Variants in USH2A observed in about 807,000 individuals in gnomAD.
The protein encoded by USH2A is Usher syndrome 2A (autosomal recessive, mild).
USH2A carries 443 observed loss-of-function variants against 538.9 expected under a neutral mutation model. The ratio of observed to expected loss-of-function variants is 0.82; its 90% CI spans 0.76 to 0.89. The LOEUF is 0.89. Among genes scored for constraint, USH2A ranks in the 40% least tolerant of loss-of-function variants. The pLI, the probability that USH2A is intolerant of heterozygous loss-of-function variation, is 0.00. For missense variants in USH2A, 6,633 were observed against 6,324.8 expected, an observed-to-expected ratio of 1.05 and a Z score of -1.65; for synonymous variants, 2,413 against 2,273.5, an observed-to-expected ratio of 1.06 and a Z score of -1.75.
chr1:216,161,359 G>A (rs1461030692), intron 21 of USH2A, among the ~76,000 whole-genome samples: 3 of 151,692 alleles, frequency 2.0e-5, no homozygotes, highest in Non-Finnish European at 4.4e-5. Flanking sequence ...CATTCTTTTG[G>A]TTGTTACCTT....
intron 32 of USH2A, among the ~76,000 whole-genome samples, chr1:216,015,962 G>C (rs971523996): frequency 1.3e-4 from 20 of 152,174 alleles, no homozygotes; most frequent in Non-Finnish European, 2.4e-4. Context: ...ATCAATGAAA[G>C]ACTGGATTAA....
At chr1:215,984,369 C>T (rs1201433185) in intron 35 of USH2A, among the ~76,000 whole-genome samples, 1 of 152,202 alleles carries the variant, frequency 6.6e-6, no homozygotes, top group Non-Finnish European at 1.5e-5. Flanking sequence ...TTAATTTAAT[C>T]TAGTTCTAGA....
At chr1:216,244,353 A>G (rs2035993969) in intron 13 of USH2A, among the ~76,000 whole-genome samples, 1 of 152,154 alleles carries the variant, frequency 6.6e-6, no homozygotes, top group Non-Finnish European at 1.5e-5. Flanking sequence ...AAACTCATAA[A>G]GGTTTGCCCA....
chr1:215,968,927 AT>A (rs1281719074), intron 36 of USH2A, among the ~76,000 whole-genome samples: 3 of 152,168 alleles, frequency 2.0e-5, no homozygotes, highest in African/African-American at 7.2e-5. Flanking sequence ...TTTAAGATTG[AT>A]TCATAGATTT....
chr1:215,810,559 C>G (rs1414280474), intron 49 of USH2A, among the ~76,000 whole-genome samples: 2 of 152,108 alleles, frequency 1.3e-5, no homozygotes, highest in African/African-American at 4.8e-5. Flanking sequence ...AATGAAAACA[C>G]TATTACTTAG....
chr1:215,817,875 A>G (rs1363954698), intron 47 of USH2A, among the ~76,000 whole-genome samples: 1 of 151,996 alleles, frequency 6.6e-6, no homozygotes, highest in South Asian at 2.1e-4. Flanking sequence ...ACTTACATGT[A>G]GATTTTCTTC....
chr1:215,877,666 C>A, intron 43 of USH2A, 92 bp downstream of exon 43: 1 of 1,575,224 alleles, frequency 6.3e-7, no homozygotes, highest in Non-Finnish European at 8.7e-7. Flanking sequence ...TGATAACACG[C>A]TCACACAATG....
Position 216,084,761 on chromosome 1 carries a change from C to A in USH2A, c.5104G>T (p.Val1702Leu). The change falls in exon 25 of 72, where the codon GTG becomes TTG. Residue 1702 changes from valine to leucine, a missense_variant. Val to Leu is a conservative substitution (Grantham distance 32, BLOSUM62 1). Coordinates refer to ENST00000307340, the MANE Select transcript of USH2A (RefSeq NM_206933.4). ...DWQSSEEQIN[V>L]YNSWEGCPAS... ...GGACATCCCTCCCAGCTGTTATACA[C>A]GTTGATTTGTTCTTCAGAACTCTGC... is the stretch of plus-strand genomic sequence containing the variant. 2 of 1,613,496 alleles carry A rather than the reference C, an allele frequency of 1.2e-6. No individual in the cohort carries two copies. The highest frequency in any genetic ancestry group is 1.7e-6 in the Non-Finnish European group (2 of 1,179,684).
At chr1:216,223,215 C>T (rs1460147568) in intron 14 of USH2A, among the ~76,000 whole-genome samples, 3 of 152,040 alleles carry the variant, frequency 2.0e-5, no homozygotes, top group Non-Finnish European at 4.4e-5. Flanking sequence ...TGTATCTGGT[C>T]TAGTGGAAAA....
chr1:215,668,485 G>A (rs770003605), intron 64 of USH2A, among the ~76,000 whole-genome samples: 27 of 152,236 alleles, frequency 1.8e-4, no homozygotes, highest in African/African-American at 4.3e-4. Context: ...TTGTAACTAC[G>A]TGGGATTAGC....
At chr1:216,125,440 C>T (rs1422046850) in intron 21 of USH2A, among the ~76,000 whole-genome samples, 1 of 152,072 alleles carries the variant, frequency 6.6e-6, no homozygotes, top group African/African-American at 2.4e-5. Context: ...AAGATGAAAT[C>T]AGATGCATGC....
intron 13 of USH2A, among the ~76,000 whole-genome samples, chr1:216,237,330 A>G (rs2102530713): frequency 6.6e-6 from 1 of 152,156 alleles, no homozygotes; most frequent in East Asian, 1.9e-4. Flanking sequence ...TTGAAAGTGG[A>G]TGAAATAAAC....
At chr1:216,088,081 T>C (rs758693540) in intron 23 of USH2A, among the ~76,000 whole-genome samples, 1 of 152,150 alleles carries the variant, frequency 6.6e-6, no homozygotes, top group Non-Finnish European at 1.5e-5. Context: ...CTGGCCTTCT[T>C]GTTGGTCCTT....
At chr1:216,234,062 T>C (rs1284673917) in intron 13 of USH2A, among the ~76,000 whole-genome samples, 1 of 152,152 alleles carries the variant, frequency 6.6e-6, no homozygotes, top group Non-Finnish European at 1.5e-5. Context: ...GTTCATAAAA[T>C]AGCAATGATA....
In USH2A at chr1:215,781,634, T is replaced by A. The variant is rs567834589; in HGVS notation, c.10740+408A>T. Among the ~76,000 whole-genome samples, 19 of 152,302 alleles carry A rather than the reference T, an allele frequency of 1.2e-4. No homozygotes were observed. The South Asian group carries it at 2.7e-3, about 22-fold the overall frequency. ...AACAATTTTGTTTTCCGTGCCAGGCTTTTTTGCCCTTCTCTTCATTTTTTA... is the reference window on the plus strand; with the variant it reads ...AACAATTTTGTTTTCCGTGCCAGGCATTTTTGCCCTTCTCTTCATTTTTTA... On this transcript the variant is annotated intron_variant, in intron 54 of 71. Transcript: ENST00000307340.
intron 14 of USH2A, among the ~76,000 whole-genome samples, chr1:216,227,667 A>T (rs187440621): frequency 7.8e-4 from 119 of 152,312 alleles, no homozygotes; most frequent in African/African-American, 2.7e-3. Flanking sequence ...GTGACAATGT[A>T]GACAAGCTGG....
intron 4 of USH2A, among the ~76,000 whole-genome samples, chr1:216,334,330 T>C (rs185001767): frequency 6.6e-6 from 1 of 151,906 alleles, no homozygotes; most frequent in Non-Finnish European, 1.5e-5. Flanking sequence ...GCAACAAACA[T>C]AGTAGAATAA....
At chr1:216,395,622 C>T (rs973615533) in intron 3 of USH2A, among the ~76,000 whole-genome samples, 8 of 152,198 alleles carry the variant, frequency 5.3e-5, no homozygotes, top group East Asian at 1.9e-4. Flanking sequence ...GAAATGACAT[C>T]GCCAAGGATG....
chr1:215,985,742 A>G (rs1001545011), intron 35 of USH2A, among the ~76,000 whole-genome samples: 2 of 152,184 alleles, frequency 1.3e-5, no homozygotes, highest in African/African-American at 4.8e-5. Context: ...TTTCTATAGC[A>G]TCATCTCTTA....
Sources: gnomAD v4.1 joint callset for allele counts (sites outside exome capture counted in the v4.1 genomes callset) on GRCh38, gnomAD v4.1.1 for gene constraint, MANE v1.5 for transcripts, NCBI Gene and HGNC (gene_info 2026-07-23, HGNC 2026-07-21) for gene names.